The following C1orf185 variants were observed in gnomAD, a reference collection of about 807,000 sequenced individuals.
C1orf185 encodes the protein chromosome 1 open reading frame 185, also known as uncharacterized protein C1orf185.
A neutral mutation model predicts 16.1 loss-of-function variants in C1orf185; 13 were observed. The ratio of observed to expected loss-of-function variants is 0.81; its 90% CI spans 0.53 to 1.28. C1orf185 has a LOEUF of 1.28. Among genes scored for constraint, C1orf185 ranks in the 50% most tolerant of loss-of-function variants. The pLI, the probability that C1orf185 is intolerant of heterozygous loss-of-function variation, is 0.00. For missense variants in C1orf185, 220 were observed against 225.2 expected, an observed-to-expected ratio of 0.98 and a Z score of 0.15; for synonymous variants, 80 against 76.9, an observed-to-expected ratio of 1.04 and a Z score of -0.21.
At chr1:51,149,116 C>T (rs936883777), downstream of C1orf185, among the ~76,000 whole-genome samples, 1 of 152,126 alleles carries the variant, frequency 6.6e-6, no homozygotes, top group Non-Finnish European at 1.5e-5. Context: ...TGAGGGATGT[C>T]TGACACTCGC....
chr1:51,105,466 C>T (rs1646062505), intron 1 of C1orf185, among the ~76,000 whole-genome samples: 1 of 152,000 alleles, frequency 6.6e-6, no homozygotes, highest in South Asian at 2.1e-4. Flanking sequence ...TATGTATGTC[C>T]TTCCTACTAA....
intron 1 of C1orf185, 91 bp from the exon 2 acceptor site, chr1:51,112,373 A>G (rs1423313882): frequency 9.7e-7 from 1 of 1,036,062 alleles, no homozygotes; most frequent in Non-Finnish European, 1.4e-6. Flanking sequence ...TAACACTACA[A>G]CATGCTATAT....
At chr1:51,116,641 T>C in intron 2 of C1orf185, among the ~76,000 whole-genome samples, 1 of 152,008 alleles carries the variant, frequency 6.6e-6, no homozygotes, top group East Asian at 1.9e-4. Flanking sequence ...CCACACTCAC[T>C]ATATTTTAAA....
Position 51,142,026 on chromosome 1 carries a change from C to T in C1orf185, c.259-3698C>T, listed in dbSNP as rs574600932. ...TCAAGTGATCTGCCTGTCTCAGCCTCCCAAAGTGCAAGTGCTGGGATTACA... is the reference window on the plus strand; with the variant it reads ...TCAAGTGATCTGCCTGTCTCAGCCTTCCAAAGTGCAAGTGCTGGGATTACA... On this transcript the variant is annotated intron_variant, in intron 3 of 4. Transcript: ENST00000371759. Among the ~76,000 whole-genome samples the T allele has an allele frequency of 1.3e-3, 197 of 152,232 alleles. 1 individual carries two copies. The highest frequency in any genetic ancestry group is 6.8e-3 in the Middle Eastern group (2 of 294).
chr1:51,147,106 G>A (rs544621802), intron 4 of C1orf185, among the ~76,000 whole-genome samples: 3 of 152,156 alleles, frequency 2.0e-5, no homozygotes, highest in African/African-American at 7.2e-5. Context: ...AGTTGAATTT[G>A]TAATGCAATA....
chr1:51,108,826 A>G (rs1253551036), intron 1 of C1orf185, among the ~76,000 whole-genome samples: 2 of 152,200 alleles, frequency 1.3e-5, no homozygotes, highest in African/African-American at 4.8e-5. Flanking sequence ...ATTGATGGAC[A>G]CCTAGATTGA....
chr1:51,103,448 C>CACACAA (rs772356987), intron 1 of C1orf185, among the ~76,000 whole-genome samples: 2 of 149,772 alleles, frequency 1.3e-5, no homozygotes, highest in African/African-American at 5.0e-5. Flanking sequence ...CACACACACA[C>CACACAA]AAAAACCACG....
intron 2 of C1orf185, among the ~76,000 whole-genome samples, chr1:51,117,506 A>C (rs1171805898): frequency 6.6e-6 from 1 of 151,948 alleles, no homozygotes; most frequent in East Asian, 1.9e-4. Flanking sequence ...TTTATGGTCC[A>C]TCTATTCATC....
At chr1:51,131,933 C>T (rs1646288606) in intron 3 of C1orf185, among the ~76,000 whole-genome samples, 1 of 152,136 alleles carries the variant, frequency 6.6e-6, no homozygotes, top group South Asian at 2.1e-4. Flanking sequence ...AGCCAGAGAA[C>T]AAAGTCAGGG....
intron 2 of C1orf185, among the ~76,000 whole-genome samples, chr1:51,115,955 A>G (rs540410193): frequency 6.6e-6 from 1 of 152,278 alleles, no homozygotes; most frequent in East Asian, 1.9e-4. Context: ...GCAGATACGT[A>G]GTTTATACTT....
At chr1:51,115,539 T>TA (rs1017530793) in intron 2 of C1orf185, among the ~76,000 whole-genome samples, 4 of 152,306 alleles carry the variant, frequency 2.6e-5, no homozygotes, top group African/African-American at 9.6e-5. Flanking sequence ...ACATATAAAG[T>TA]ACAAGTACTT....
Position 51,137,906 on chromosome 1 carries a change from G to A in C1orf185, c.259-7818G>A, listed in dbSNP as rs560072832. 5.9e-5 allele frequency among the ~76,000 whole-genome samples: 9 copies of A among 152,308 alleles called. No individual in the cohort carries two copies. The South Asian group carries it at 1.0e-3, about 18-fold the overall frequency. On this transcript the variant is annotated intron_variant, in intron 3 of 4. Transcript: ENST00000371759. ...ATGAGATCATACCCATTGCAGGAAC[G>A]TGGATGGAACTCAAGGCCATTATCT...
chr1:51,132,689 T>C (rs952535332), intron 3 of C1orf185, among the ~76,000 whole-genome samples: 1 of 151,712 alleles, frequency 6.6e-6, no homozygotes, highest in Non-Finnish European at 1.5e-5. Context: ...CATCCATCTC[T>C]TTCAGGGGAC....
At chr1:51,112,371 C>A (rs1646127764) in intron 1 of C1orf185, 93 bp from the exon 2 acceptor site, 1 of 1,020,512 alleles carries the variant, frequency 9.8e-7, no homozygotes, top group Non-Finnish European at 1.4e-6. Context: ...CTTAACACTA[C>A]AACATGCTAT....
intron 3 of C1orf185, among the ~76,000 whole-genome samples, chr1:51,131,259 G>A (rs928889761): frequency 1.3e-5 from 2 of 152,200 alleles, no homozygotes; most frequent in Non-Finnish European, 2.9e-5. Context: ...GTGGCAGTAC[G>A]CATGTCTAAT....
At chr1:51,114,126 G>A (rs1022141528) in intron 2 of C1orf185, among the ~76,000 whole-genome samples, 3 of 152,182 alleles carry the variant, frequency 2.0e-5, no homozygotes, top group African/African-American at 4.8e-5. Flanking sequence ...AAGACCCTAA[G>A]GAATGGTCTT....
chr1:51,107,524 T>A (rs1453759255), intron 1 of C1orf185, among the ~76,000 whole-genome samples: 2 of 152,238 alleles, frequency 1.3e-5, no homozygotes, highest in African/African-American at 4.8e-5. Flanking sequence ...TGTGCATAAG[T>A]GAAATCAGTA....
chr1:51,115,246 G>A (rs984681508), intron 2 of C1orf185, among the ~76,000 whole-genome samples: 1 of 152,086 alleles, frequency 6.6e-6, no homozygotes, highest in African/African-American at 2.4e-5. Flanking sequence ...GCTGAGGCAG[G>A]AGAATCACTT....
At chr1:51,111,374 C>CTTTTTTTTTTTT (rs11414730) in intron 1 of C1orf185, among the ~76,000 whole-genome samples, 22 of 133,936 alleles carry the variant, frequency 1.6e-4, no homozygotes, top group African/African-American at 6.4e-4. Context: ...TTCTTTCTTT[C>CTTTTTTTTTTTT]TTTTTTTTTT....
Sources: allele counts gnomAD v4.1 joint callset (sites outside exome capture counted in the v4.1 genomes callset), GRCh38; gene constraint gnomAD v4.1.1; transcripts MANE v1.5; gene names NCBI Gene and HGNC (gene_info 2026-07-23, HGNC 2026-07-21).